ARSG: variants seen among roughly 807,000 people sequenced by gnomAD.
ARSG encodes the protein ASG.
Under a neutral mutation model 50.5 loss-of-function variants are expected in ARSG, and 37 were observed. That is an observed-to-expected ratio of 0.73 (90% CI 0.56 to 0.96). The LOEUF is 0.96. Among genes scored for constraint, ARSG ranks in the 50% least tolerant of loss-of-function variants. ARSG has a pLI of 0.00. For synonymous variants in ARSG, 225 were observed against 254.6 expected (o/e 0.88, Z 1.11); for missense variants, 629 against 675.3 (o/e 0.93, Z 0.76).
chr17:68,386,152 T>A (rs2080713899), intron 9 of ARSG, among the ~76,000 whole-genome samples: 1 of 152,156 alleles, frequency 6.6e-6, no homozygotes, highest in African/African-American at 2.4e-5. Flanking sequence ...GAAAACAACA[T>A]CTTCCCAGCT....
chr17:68,395,303 G>T, intron 10 of ARSG, 110 bp downstream of exon 10: 6 of 1,512,798 alleles, frequency 4.0e-6, no homozygotes, highest in Non-Finnish European at 5.4e-6. Flanking sequence ...AGAACAGGCT[G>T]CAGGTCGGAT....
At chr17:68,273,532 T>C (rs189909243) in intron 1 of ARSG, among the ~76,000 whole-genome samples, 10 of 152,294 alleles carry the variant, frequency 6.6e-5, no homozygotes, top group Non-Finnish European at 1.3e-4. Context: ...TCCTTTTGAA[T>C]GGAAAAAGGT....
the ARSG span, among the ~76,000 whole-genome samples, chr17:68,444,142 G>A: frequency 6.6e-6 from 1 of 152,184 alleles, no homozygotes; most frequent in South Asian, 2.1e-4. Flanking sequence ...CGCCTACTCT[G>A]TACTGAACGA....
chr17:68,352,537 T>C (rs1408919798), intron 5 of ARSG, among the ~76,000 whole-genome samples: 5 of 141,448 alleles, frequency 3.5e-5, no homozygotes, highest in Non-Finnish European at 7.6e-5. Flanking sequence ...TGAGATGGAG[T>C]GTTGCTCTCT....
At chr17:68,300,612 G>A (rs1345714541) in intron 1 of ARSG, among the ~76,000 whole-genome samples, 3 of 152,132 alleles carry the variant, frequency 2.0e-5, no homozygotes, top group Non-Finnish European at 4.4e-5. Flanking sequence ...TGATCTGTGA[G>A]CGAGGACACA....
At chr17:68,346,770 G>T (rs1196162195) in intron 3 of ARSG, 2 of 1,301,238 alleles carry the variant, frequency 1.5e-6, no homozygotes, top group African/African-American at 3.0e-5. Context: ...TGGTGCCTTT[G>T]CAGGGCCCCA....
chr17:68,321,264 A>G (rs782034985), intron 2 of ARSG, among the ~76,000 whole-genome samples: 5 of 152,192 alleles, frequency 3.3e-5, no homozygotes, highest in Non-Finnish European at 7.3e-5. Flanking sequence ...CAAGTTCACT[A>G]TTTGCTGCCA....
chr17:68,429,423 G>A, the ARSG span, among the ~76,000 whole-genome samples: 1 of 152,066 alleles, frequency 6.6e-6, no homozygotes, highest in East Asian at 1.9e-4. Context: ...AGATCTGGAG[G>A]CTTTTTACAT....
At chr17:68,312,783 A>C (rs1422769149) in intron 2 of ARSG, among the ~76,000 whole-genome samples, 1 of 151,962 alleles carries the variant, frequency 6.6e-6, no homozygotes, top group Non-Finnish European at 1.5e-5. Flanking sequence ...CCCACTGCCT[A>C]CTCACGGCCA....
At chr17:68,369,136 C>T (rs921588301) in intron 7 of ARSG, among the ~76,000 whole-genome samples, 4 of 152,226 alleles carry the variant, frequency 2.6e-5, no homozygotes, top group African/African-American at 7.2e-5. Flanking sequence ...CCCCGTGTCA[C>T]GTCTTTTGGC....
At chr17:68,428,362 G>A in the ARSG span, 4 of 161,850 alleles carry the variant, frequency 2.5e-5, no homozygotes, top group Admixed American at 1.8e-4. Flanking sequence ...CTGAGTAGCT[G>A]GGACTACAGG....
chr17:68,442,549 G>C, the ARSG span, among the ~76,000 whole-genome samples: 9 of 151,874 alleles, frequency 5.9e-5, no homozygotes, highest in Admixed American at 5.9e-4. Context: ...TGGGGGTCAA[G>C]TGTGCAACAG....
intron 1 of ARSG, among the ~76,000 whole-genome samples, chr17:68,264,969 G>C (rs1311738534): frequency 1.6e-4 from 23 of 146,478 alleles, no homozygotes; most frequent in Middle Eastern, 7.9e-3. Context: ...GCCTGGCCAA[G>C]ATGGCGAAAC....
At chr17:68,366,677 A>ATATG (rs1555783482) in intron 6 of ARSG, among the ~76,000 whole-genome samples, 1 of 148,258 alleles carries the variant, frequency 6.7e-6, no homozygotes, top group Non-Finnish European at 1.5e-5. Flanking sequence ...GAATTTATGT[A>ATATG]TGTGTGTGTG....
the ARSG span, among the ~76,000 whole-genome samples, chr17:68,442,694 C>A: frequency 6.6e-6 from 1 of 152,330 alleles, no homozygotes; most frequent in African/African-American, 2.4e-5. Context: ...GCCCTGCCAG[C>A]CTCAAGCTCT....
At chr17:68,364,175 A>G (rs1270382874) in intron 6 of ARSG, among the ~76,000 whole-genome samples, 1 of 151,816 alleles carries the variant, frequency 6.6e-6, no homozygotes, top group Non-Finnish European at 1.5e-5. Flanking sequence ...ACCCTGCCCC[A>G]TCCTCTTGCT....
downstream of ARSG, among the ~76,000 whole-genome samples, chr17:68,426,636 A>C (rs111641302): frequency 1.2e-4 from 19 of 152,250 alleles, no homozygotes; most frequent in African/African-American, 4.6e-4. Flanking sequence ...TGGTTCAAGC[A>C]ATTCTCCTGC....
the ARSG span, among the ~76,000 whole-genome samples, chr17:68,447,842 CATT>C: frequency 6.6e-6 from 1 of 151,628 alleles, no homozygotes; most frequent in Non-Finnish European, 1.5e-5. Context: ...AATACAAAAA[CATT>C]AGCCGGGCGT....
At chr17:68,336,210 CTTTTCTTTCTTTTT>C (rs2078012499) in intron 2 of ARSG, among the ~76,000 whole-genome samples, 1 of 150,162 alleles carries the variant, frequency 6.7e-6, no homozygotes, top group African/African-American at 2.5e-5. Context: ...TCTTTCTTTT[CTTTTCTTTCTTTTT>C]TTTTAGACAG....
Sources: allele counts gnomAD v4.1 joint callset (sites outside exome capture counted in the v4.1 genomes callset), GRCh38; gene constraint gnomAD v4.1.1; transcripts MANE v1.5; gene names NCBI Gene and HGNC (gene_info 2026-07-23, HGNC 2026-07-21).